Variants in GSK3B observed in about 807,000 individuals in gnomAD.
GSK3B encodes glycogen synthase kinase-3 beta.
Under a neutral mutation model 56.4 loss-of-function variants are expected in GSK3B, and 15 were observed. That is an observed-to-expected ratio of 0.27 (90% CI 0.18 to 0.41). The LOEUF is 0.41. Ranked by LOEUF, GSK3B falls within the 10% of genes least tolerant of loss-of-function variation. GSK3B has a pLI of 1.00. For synonymous variants in GSK3B, 181 were observed against 188.9 expected, an observed-to-expected ratio of 0.96 and a Z score of 0.34; for missense variants, 300 against 513.4, an observed-to-expected ratio of 0.58 and a Z score of 4.02.
intron 8 of GSK3B, among the ~76,000 whole-genome samples, chr3:119,867,402 C>G (rs2056197960): frequency 6.6e-6 from 1 of 152,198 alleles, no homozygotes; most frequent in South Asian, 2.1e-4. Context: ...CGCTCATACC[C>G]TTGCACCCGG....
At chr3:119,912,337 T>C (rs1249675922) in intron 6 of GSK3B, among the ~76,000 whole-genome samples, 1 of 152,070 alleles carries the variant, frequency 6.6e-6, no homozygotes, top group Non-Finnish European at 1.5e-5. Context: ...CCACTGATCA[T>C]AGATCACCAT....
chr3:119,930,115 ACACACACACGTGCGCATG>A (rs1228529968), intron 3 of GSK3B, among the ~76,000 whole-genome samples: 1 of 150,552 alleles, frequency 6.6e-6, no homozygotes, highest in Admixed American at 6.7e-5. Flanking sequence ...ACACACACAC[ACACACACACGTGCGCATG>A]CACACACACA....
chr3:119,951,338 C>T (rs1406376670), intron 2 of GSK3B, among the ~76,000 whole-genome samples: 2 of 152,192 alleles, frequency 1.3e-5, no homozygotes, highest in Non-Finnish European at 2.9e-5. Flanking sequence ...TTGGGAGGTT[C>T]AGGCGGGCAG....
intron 2 of GSK3B, among the ~76,000 whole-genome samples, chr3:119,997,756 G>A (rs540032792): frequency 1.1e-4 from 16 of 152,226 alleles, no homozygotes; most frequent in African/African-American, 3.6e-4. Context: ...CAAATCAGCG[G>A]AAAAGAAAAG....
chr3:119,908,296 C>T lies in GSK3B; in HGVS notation c.716-2444G>A, dbSNP rs553600305. Among the ~76,000 whole-genome samples the T allele has an allele frequency of 2.0e-4, 30 of 152,200 alleles. No homozygotes were observed. The South Asian group carries it at 5.8e-3, about 30-fold the overall frequency. On this transcript the variant is annotated intron_variant, in intron 6 of 10. Transcript: ENST00000264235. ...TTAGGTGTTTCTGGCACAGCTCACA[C>T]CAGTATCTTATATACAGATAATCAG...
At chr3:120,069,771 T>G (rs987107315) in intron 1 of GSK3B, among the ~76,000 whole-genome samples, 1 of 152,122 alleles carries the variant, frequency 6.6e-6, no homozygotes, top group African/African-American at 2.4e-5. Flanking sequence ...AGGTACCTAC[T>G]AGGCCAACAT....
At chr3:119,851,857 T>C (rs1216078819) in intron 9 of GSK3B, among the ~76,000 whole-genome samples, 1 of 152,248 alleles carries the variant, frequency 6.6e-6, no homozygotes, top group African/African-American at 2.4e-5. Context: ...GACTTAATAA[T>C]GGAGTGCCCC....
chr3:119,929,670 A>C (rs1249113490), intron 3 of GSK3B, among the ~76,000 whole-genome samples: 1 of 152,114 alleles, frequency 6.6e-6, no homozygotes, highest in Non-Finnish European at 1.5e-5. Flanking sequence ...TGGCAGGCCG[A>C]GGTGGGCGGA....
At position 120,013,896 on chromosome 3, in the gene GSK3B, G is replaced by A. The variant is rs561319192; in HGVS notation, c.89-11657C>T. 4.8e-3 allele frequency among the ~76,000 whole-genome samples: 733 copies of A among 151,334 alleles called. 11 individuals are homozygous for A. Among genetic ancestry groups the A allele is most frequent in the African/African-American group, 0.017 (712 of 41,330 alleles). ...ATTAAAACAAAGATGTTGGCCGGGCGCAGTGGCTCAAGCCTATAATTCCAG... is the reference window on the plus strand; with the variant it reads ...ATTAAAACAAAGATGTTGGCCGGGCACAGTGGCTCAAGCCTATAATTCCAG... On this transcript the variant is annotated intron_variant, in intron 1 of 10. Transcript: ENST00000264235.
rs971455389 is a variant in GSK3B at position 119,846,637 on chromosome 3, C to A, written c.1097-3284G>T. Among the ~76,000 whole-genome samples the A allele has an allele frequency of 7.9e-5, 12 of 152,110 alleles. 1 individual carries two copies. Among genetic ancestry groups the A allele is most frequent in the African/African-American group, 2.2e-4 (9 of 41,412 alleles). On this transcript the variant is annotated intron_variant, in intron 9 of 10. Coordinates refer to ENST00000264235, the MANE Select transcript of GSK3B (RefSeq NM_001146156.2). ...TGGTGATCATTAAAAAGTCAAGAAA[C>A]AACAGATGCTGGAGAGGATGTGGAG...
At chr3:119,975,507 C>T (rs1006274588) in intron 2 of GSK3B, among the ~76,000 whole-genome samples, 4 of 151,898 alleles carry the variant, frequency 2.6e-5, no homozygotes, top group African/African-American at 9.7e-5. Flanking sequence ...ATGCATATTG[C>T]TGAGAAAAAA....
intron 4 of GSK3B, among the ~76,000 whole-genome samples, chr3:119,922,871 T>C (rs2056857083): frequency 6.6e-6 from 1 of 152,122 alleles, no homozygotes; most frequent in Admixed American, 6.5e-5. Flanking sequence ...TTCTAGGAAA[T>C]AAACAAGATG....
chr3:119,938,051 G>A (rs569795727), intron 3 of GSK3B, among the ~76,000 whole-genome samples: 1 of 151,872 alleles, frequency 6.6e-6, no homozygotes, highest in Non-Finnish European at 1.5e-5. Context: ...CAAATACACA[G>A]ATTATCAAAC....
At chr3:119,973,820 A>G (rs994554608) in intron 2 of GSK3B, among the ~76,000 whole-genome samples, 1 of 152,220 alleles carries the variant, frequency 6.6e-6, no homozygotes, top group Non-Finnish European at 1.5e-5. Context: ...GGTACTATTC[A>G]TGGTTTTAGG....
At chr3:120,080,692 G>A (rs112120669) in intron 1 of GSK3B, among the ~76,000 whole-genome samples, 13,054 of 151,960 alleles carry the variant, frequency 0.086, 692 homozygotes, top group Non-Finnish European at 0.12. Context: ...TTAGCCAGGC[G>A]TGGTGGTGGA....
rs1444028952 is a variant in GSK3B at position 120,093,826 on chromosome 3, T to C, written c.-392A>G. 1 of 209,676 alleles carries C rather than the reference T, an allele frequency of 4.8e-6. No individual in the cohort carries two copies. The highest frequency in any genetic ancestry group is 2.3e-5 in the African/African-American group (1 of 43,590). 13.0% of individuals were successfully genotyped at this position (209,676 alleles called of 1,614,324 possible). Reference sequence around the variant, plus strand: ...TTATATTTTCCTCGGGGATTTTTTTTCCGAGTCAATGAAGAAGGGAAGCGG... The same window carrying C: ...TTATATTTTCCTCGGGGATTTTTTTCCCGAGTCAATGAAGAAGGGAAGCGG... On this transcript the variant is annotated 5_prime_UTR_variant, in exon 1 of 11. Transcript: ENST00000264235.
Position 119,837,869 on chromosome 3 carries a change from ATATATT to A in GSK3B, c.1195+5380_1195+5385del, listed in dbSNP as rs538393697. Among the ~76,000 whole-genome samples, 420 of 147,750 alleles carry A rather than the reference ATATATT, an allele frequency of 2.8e-3. 1 individual carries two copies. The highest frequency in any genetic ancestry group is 9.3e-3 in the African/African-American group (380 of 40,740). Reference sequence around the variant, plus strand: ...ACAAAGAAAATAAGACATATATAATATATATTTATATTTTATATATAAATATATATT... The same window carrying A: ...ACAAAGAAAATAAGACATATATAATATATATTTTATATATAAATATATATT... On this transcript the variant is annotated intron_variant, in intron 10 of 10. Coordinates refer to ENST00000264235, the MANE Select transcript of GSK3B (RefSeq NM_001146156.2).
At chr3:120,015,892 T>C (rs2057822486) in intron 1 of GSK3B, among the ~76,000 whole-genome samples, 1 of 152,030 alleles carries the variant, frequency 6.6e-6, no homozygotes, top group African/African-American at 2.4e-5. Flanking sequence ...GGAGAAGATA[T>C]ATAGAAAAGC....
chr3:119,829,185 GTC>G (rs1222728853), intron 10 of GSK3B, among the ~76,000 whole-genome samples: 1 of 151,980 alleles, frequency 6.6e-6, no homozygotes, highest in African/African-American at 2.4e-5. Context: ...ATCAATTCCT[GTC>G]TAGACCACAG....
Sources: gnomAD v4.1 joint callset for allele counts (sites outside exome capture counted in the v4.1 genomes callset) on GRCh38, gnomAD v4.1.1 for gene constraint, MANE v1.5 for transcripts, NCBI Gene and HGNC (gene_info 2026-07-23, HGNC 2026-07-21) for gene names.